Variants in NRXN1 observed in about 807,000 individuals in gnomAD.
NRXN1 encodes the protein neurexin-1.
A neutral mutation model predicts 150.9 loss-of-function variants in NRXN1; 39 were observed. That is an observed-to-expected ratio of 0.26 (90% CI 0.20 to 0.34). NRXN1 has a LOEUF of 0.34. Among genes scored for constraint, NRXN1 ranks in the 10% least tolerant of loss-of-function variants. The probability of loss-of-function intolerance (pLI) is 1.00; values close to 1 mark genes in which losing one functional copy is unlikely to be tolerated. For synonymous variants in NRXN1, 924 were observed against 757.0 expected (o/e 1.22, Z -3.62); for missense variants, 1,815 against 1,949.9 (o/e 0.93, Z 1.30).
intron 15 of NRXN1, among the ~76,000 whole-genome samples, chr2:50,483,506 G>A (rs760790660): frequency 2.6e-5 from 4 of 152,196 alleles, no homozygotes; most frequent in South Asian, 2.1e-4. Context: ...CTTGGGTTCC[G>A]GTTCAGGGCC....
intron 18 of NRXN1, among the ~76,000 whole-genome samples, chr2:50,106,468 C>T (rs1701655038): frequency 6.6e-6 from 1 of 151,982 alleles, no homozygotes; most frequent in African/African-American, 2.4e-5. Context: ...TTTGGTTGCA[C>T]TGCAATTAGC....
At chr2:50,772,839 T>C (rs1161544727) in intron 5 of NRXN1, among the ~76,000 whole-genome samples, 1 of 152,104 alleles carries the variant, frequency 6.6e-6, no homozygotes, top group African/African-American at 2.4e-5. Flanking sequence ...GTATTTGCAC[T>C]GACTGAGTTA....
At chr2:50,842,574 G>A (rs1033133689) in intron 5 of NRXN1, among the ~76,000 whole-genome samples, 1 of 152,064 alleles carries the variant, frequency 6.6e-6, no homozygotes, top group Admixed American at 6.6e-5. Context: ...ATCTGCTTTA[G>A]CGTCTAAATA....
chr2:50,653,874 C>T (rs1685994089), intron 5 of NRXN1, among the ~76,000 whole-genome samples: 8 of 151,516 alleles, frequency 5.3e-5, no homozygotes, highest in Admixed American at 5.3e-4. Context: ...CTGCCTCTTA[C>T]TTTGTTTCCT....
intron 19 of NRXN1, among the ~76,000 whole-genome samples, chr2:50,089,364 A>G (rs1446497233): frequency 6.6e-6 from 1 of 152,172 alleles, no homozygotes; most frequent in Non-Finnish European, 1.5e-5. Flanking sequence ...TTACCCTACT[A>G]TATATTTTCA....
At chr2:50,791,030 G>A (rs1705869328) in intron 5 of NRXN1, among the ~76,000 whole-genome samples, 1 of 150,766 alleles carries the variant, frequency 6.6e-6, no homozygotes, top group Admixed American at 6.6e-5. Flanking sequence ...TAATTTTTAT[G>A]GAAAGAAGAA....
chr2:50,098,442 T>C (rs1412698140), intron 18 of NRXN1, among the ~76,000 whole-genome samples: 2 of 152,106 alleles, frequency 1.3e-5, no homozygotes, highest in Admixed American at 1.3e-4. Flanking sequence ...TGGACAGCTC[T>C]AACACTACCA....
At chr2:50,832,273 A>G (rs1671511942) in intron 5 of NRXN1, among the ~76,000 whole-genome samples, 1 of 152,168 alleles carries the variant, frequency 6.6e-6, no homozygotes, top group Non-Finnish European at 1.5e-5. Flanking sequence ...TAAGTTCTAA[A>G]GTGATTGAGT....
intron 15 of NRXN1, among the ~76,000 whole-genome samples, chr2:50,480,467 T>C (rs1027145545): frequency 4.6e-5 from 7 of 152,174 alleles, no homozygotes; most frequent in Non-Finnish European, 1.0e-4. Flanking sequence ...CACTTCACAC[T>C]GTCTCTCCAG....
At chr2:50,531,690 T>C (rs762733939) in intron 10 of NRXN1, among the ~76,000 whole-genome samples, 22 of 152,130 alleles carry the variant, frequency 1.4e-4, no homozygotes, top group Admixed American at 5.9e-4. Context: ...CAGAGCACTT[T>C]CTACCTATAG....
chr2:50,583,537 T>G (rs1672621319), intron 8 of NRXN1, among the ~76,000 whole-genome samples: 1 of 152,178 alleles, frequency 6.6e-6, no homozygotes, highest in Non-Finnish European at 1.5e-5. Flanking sequence ...TTACTGAGGT[T>G]AGAGACTACA....
intron 17 of NRXN1, among the ~76,000 whole-genome samples, chr2:50,269,409 A>G (rs2069292546): frequency 6.6e-6 from 1 of 152,206 alleles, no homozygotes; most frequent in Non-Finnish European, 1.5e-5. Context: ...GTATTTCCCA[A>G]CTTTGTATTT....
chr2:50,591,131 G>A (rs536423024), intron 8 of NRXN1, among the ~76,000 whole-genome samples: 5 of 152,232 alleles, frequency 3.3e-5, no homozygotes, highest in African/African-American at 1.2e-4. Context: ...GTGGGGAGAT[G>A]AAATAGAATA....
chr2:50,495,957 G>A lies in NRXN1; in HGVS notation c.3018C>T (p.Asp1006=), dbSNP rs2104907080. The A allele has an allele frequency of 6.2e-7, 1 of 1,610,864 alleles. No individual in the cohort carries two copies. The highest frequency in any genetic ancestry group is 8.5e-7 in the Non-Finnish European group (1 of 1,178,608). ...CGGTGATTTGCGTTGTGATTTTTGT[G>A]TCAATCTTTACAGTGTGGAGGTTGC... ...DTSNLHTVKI[D]TKITTQITAG... Residue 1006 remains aspartate (D), a synonymous_variant, in exon 15 of 23, where the codon GAC becomes GAT. Coordinates refer to ENST00000401669, the MANE Select transcript of NRXN1 (RefSeq NM_001330078.2).
At chr2:50,917,831 C>A (rs940232112) in intron 5 of NRXN1, 1 of 151,010 alleles carries the variant, frequency 6.6e-6, no homozygotes, top group Admixed American at 6.6e-5. Flanking sequence ...TATAGAAGCC[C>A]AAATGGACTA....
At chr2:50,890,499 T>C (rs958762207) in intron 5 of NRXN1, among the ~76,000 whole-genome samples, 12 of 151,854 alleles carry the variant, frequency 7.9e-5, no homozygotes, top group Non-Finnish European at 1.6e-4. Flanking sequence ...TTAGATTTTT[T>C]TTAATGTGAA....
At chr2:50,219,740 T>G (rs1221453962) in intron 18 of NRXN1, among the ~76,000 whole-genome samples, 1 of 149,048 alleles carries the variant, frequency 6.7e-6, no homozygotes, top group East Asian at 2.0e-4. Flanking sequence ...TTCAAAAAAT[T>G]AGTTGGGCAT....
intron 19 of NRXN1, among the ~76,000 whole-genome samples, chr2:50,081,364 G>A (rs1164946184): frequency 6.6e-6 from 1 of 152,116 alleles, no homozygotes; most frequent in Non-Finnish European, 1.5e-5. Flanking sequence ...GGATCACGAG[G>A]TCAAGAGATC....
At chr2:50,924,921 A>C (rs1456468868) in intron 3 of NRXN1, among the ~76,000 whole-genome samples, 1 of 151,670 alleles carries the variant, frequency 6.6e-6, no homozygotes. Context: ...GTAACCTGGG[A>C]TAGGGAGTCT....
Sources: gnomAD v4.1 joint callset for allele counts (sites outside exome capture counted in the v4.1 genomes callset) on GRCh38, gnomAD v4.1.1 for gene constraint, MANE v1.5 for transcripts, NCBI Gene and HGNC (gene_info 2026-07-23, HGNC 2026-07-21) for gene names.